The following DLGAP2 variants were observed in gnomAD, a reference collection of about 807,000 sequenced individuals.
The protein encoded by DLGAP2 is DLG associated protein 2.
A neutral mutation model predicts 100.3 loss-of-function variants in DLGAP2; 26 were observed. The ratio of observed to expected loss-of-function variants is 0.26; its 90% CI spans 0.19 to 0.36. The LOEUF is 0.36. Ranked by LOEUF, DLGAP2 falls within the 10% of genes least tolerant of loss-of-function variation. The pLI is 1.00. For synonymous variants in DLGAP2, 886 were observed against 630.1 expected, an observed-to-expected ratio of 1.41 and a Z score of -6.08; for missense variants, 1,858 against 1,453.2, an observed-to-expected ratio of 1.28 and a Z score of -4.53.
At chr8:1,194,942 A>G (rs567984832) in intron 2 of DLGAP2, among the ~76,000 whole-genome samples, 2 of 152,336 alleles carry the variant, frequency 1.3e-5, no homozygotes, top group South Asian at 4.1e-4. Flanking sequence ...CTACCAACGG[A>G]CAGTCAGGGC....
chr8:1,352,254 GGT>G (rs1801751111), intron 3 of DLGAP2, among the ~76,000 whole-genome samples: 1 of 123,892 alleles, frequency 8.1e-6, no homozygotes. Context: ...AGGCCGTGTG[GGT>G]CCTGATCGTG....
Position 874,275 on chromosome 8 carries a change from A to G in DLGAP2, c.19-33637A>G, listed in dbSNP as rs553376648. Reference sequence around the variant, plus strand: ...TTTAGTTTGTTCTTCTTTTTCCAGTATCTTAAAGTGGAAGTTTAGCTTCTT... The same window carrying G: ...TTTAGTTTGTTCTTCTTTTTCCAGTGTCTTAAAGTGGAAGTTTAGCTTCTT... On this transcript the variant is annotated intron_variant, in intron 1 of 14. Transcript: ENST00000637795. Among the ~76,000 whole-genome samples, 15 of 151,264 alleles carry G rather than the reference A, an allele frequency of 9.9e-5. 1 individual carries two copies. The highest frequency in any genetic ancestry group is 3.4e-4 in the African/African-American group (14 of 41,260).
At chr8:1,137,023 G>A (rs1796429080) in intron 2 of DLGAP2, among the ~76,000 whole-genome samples, 1 of 152,226 alleles carries the variant, frequency 6.6e-6, no homozygotes, top group African/African-American at 2.4e-5. Flanking sequence ...CATGATCCCA[G>A]AATGGCTCAA....
At chr8:1,468,967 C>T (rs531932578) in intron 3 of DLGAP2, among the ~76,000 whole-genome samples, 1 of 152,306 alleles carries the variant, frequency 6.6e-6, no homozygotes, top group Admixed American at 6.5e-5. Context: ...CACCTTCCCT[C>T]TGTACGACCT....
intron 3 of DLGAP2, among the ~76,000 whole-genome samples, chr8:1,377,232 C>G (rs757560681): frequency 1.3e-5 from 2 of 152,198 alleles, no homozygotes; most frequent in Non-Finnish European, 2.9e-5. Flanking sequence ...TGGGGCCAGC[C>G]AGGAGGGGGC....
intron 2 of DLGAP2, among the ~76,000 whole-genome samples, chr8:1,202,868 A>G (rs995347344): frequency 6.6e-6 from 1 of 152,214 alleles, no homozygotes; most frequent in African/African-American, 2.4e-5. Context: ...TGAGCTGTTA[A>G]TCAGCCGCTG....
At chr8:1,174,335 A>T (rs958703422) in intron 2 of DLGAP2, among the ~76,000 whole-genome samples, 3 of 151,770 alleles carry the variant, frequency 2.0e-5, no homozygotes, top group African/African-American at 7.3e-5. Flanking sequence ...TATCATCATT[A>T]CCATTACCAC....
At chr8:1,065,940 G>A (rs991273092) in intron 2 of DLGAP2, among the ~76,000 whole-genome samples, 7 of 152,182 alleles carry the variant, frequency 4.6e-5, no homozygotes, top group African/African-American at 1.7e-4. Flanking sequence ...TGAGTGTCAG[G>A]AGCCCTCAGA....
rs1456149860 is a variant in DLGAP2 at position 990,323 on chromosome 8, C to A, written c.73+82357C>A. ...GAAAGTGGCCCAGACCCCCTGCACC[C>A]CCATACTCGGAGTTCCTGTTCTTCT... On this transcript the variant is annotated intron_variant, in intron 2 of 14. Transcript: ENST00000637795. Among the ~76,000 whole-genome samples the A allele has an allele frequency of 6.4e-3, 932 of 146,220 alleles. 11 individuals carry two copies. The highest frequency in any genetic ancestry group is 0.02 in the South Asian group (91 of 4,604).
At chr8:1,298,140 G>C (rs531729698) in intron 3 of DLGAP2, among the ~76,000 whole-genome samples, 6 of 151,686 alleles carry the variant, frequency 4.0e-5, no homozygotes, top group African/African-American at 1.5e-4. Context: ...CACCACGTGA[G>C]ACAGGGAGGA....
At chr8:1,694,039 T>A (rs959073452) in intron 13 of DLGAP2, among the ~76,000 whole-genome samples, 30 of 152,210 alleles carry the variant, frequency 2.0e-4, no homozygotes, top group African/African-American at 7.0e-4. Context: ...AGGTGCATAT[T>A]CAGACCTGCT....
intron 14 of DLGAP2, among the ~76,000 whole-genome samples, chr8:1,699,232 G>A (rs138988044): frequency 5.2e-4 from 79 of 152,310 alleles, no homozygotes; most frequent in African/African-American, 1.7e-3. Flanking sequence ...ACGTCTTTGG[G>A]AGGCCAAGGT....
At chr8:1,237,237 G>T (rs1353031008) in intron 2 of DLGAP2, among the ~76,000 whole-genome samples, 18 of 143,230 alleles carry the variant, frequency 1.3e-4, no homozygotes, top group African/African-American at 5.1e-4. Context: ...ATGGCGCCGT[G>T]TCTAGTTCTC....
At chr8:926,686 C>T (rs973144535) in intron 2 of DLGAP2, among the ~76,000 whole-genome samples, 6 of 152,178 alleles carry the variant, frequency 3.9e-5, no homozygotes, top group African/African-American at 9.7e-5. Context: ...GTGCGGCAGC[C>T]GTGGGTGGCC....
chr8:965,717 G>A (rs543395974), intron 2 of DLGAP2, among the ~76,000 whole-genome samples: 1,356 of 112,546 alleles, frequency 0.012, 7 homozygotes, highest in African/African-American at 0.043. Flanking sequence ...CCCAACCCCC[G>A]CGTGCACACG....
chr8:1,580,272 AGAG>A (rs1255799235), intron 6 of DLGAP2, among the ~76,000 whole-genome samples: 1 of 152,214 alleles, frequency 6.6e-6, no homozygotes, highest in African/African-American at 2.4e-5. Context: ...AGCAGTGGAG[AGAG>A]GAGAACTCTA....
chr8:1,438,172 G>T (rs1158005214), intron 3 of DLGAP2, among the ~76,000 whole-genome samples: 4 of 152,114 alleles, frequency 2.6e-5, no homozygotes, highest in Non-Finnish European at 5.9e-5. Flanking sequence ...GTGTGGTTAC[G>T]AGGGGCAACC....
At chr8:1,259,354 A>T (rs951924833) in intron 3 of DLGAP2, among the ~76,000 whole-genome samples, 7 of 152,200 alleles carry the variant, frequency 4.6e-5, no homozygotes, top group African/African-American at 1.7e-4. Flanking sequence ...TTTCTACGCA[A>T]GTCTCCTGTG....
At chr8:1,420,853 A>G (rs2404298) in intron 3 of DLGAP2, among the ~76,000 whole-genome samples, 127,806 of 152,198 alleles carry the variant, frequency 0.84, 54,016 homozygotes, top group East Asian at 1. Context: ...GTGCTTCCCC[A>G]TCTGCGCAGT....
Sources: allele counts gnomAD v4.1 joint callset (sites outside exome capture counted in the v4.1 genomes callset), GRCh38; gene constraint gnomAD v4.1.1; transcripts MANE v1.5; gene names NCBI Gene and HGNC (gene_info 2026-07-23, HGNC 2026-07-21).